HECTD2: variants seen among roughly 807,000 people sequenced by gnomAD.
HECTD2 encodes the protein probable E3 ubiquitin-protein ligase HECTD2.
In HECTD2, 35 loss-of-function variants were observed where a neutral mutation model predicts 103.2. The observed-to-expected ratio is 0.34, with a 90% confidence interval of 0.26 to 0.45. The LOEUF (loss-of-function observed/expected upper bound fraction) is 0.45, where lower values mean the gene tolerates loss of function less well. HECTD2 is among the 20% of genes least tolerant of loss of function. The probability of loss-of-function intolerance (pLI) is 1.00; values close to 1 mark genes in which losing one functional copy is unlikely to be tolerated. For missense variants in HECTD2, 596 were observed against 937.4 expected (o/e 0.64, Z 4.76); for synonymous variants, 281 against 329.9 (o/e 0.85, Z 1.61).
intron 2 of HECTD2, among the ~76,000 whole-genome samples, 174 bp from the exon 3 acceptor site, chr10:91,460,253 G>A (rs1845286703): frequency 6.6e-6 from 1 of 151,988 alleles, no homozygotes; most frequent in African/African-American, 2.4e-5. Flanking sequence ...GTGAAGTGGG[G>A]GAATAAGCCC....
chr10:91,501,309 T>C lies in HECTD2; in HGVS notation c.2185T>C (p.Ser729Pro). ...GGMADLNFKI[S>P]KNETSTNCLP... The stretch of plus-strand genomic sequence containing the variant: ...GATGGCTGATTTGAACTTTAAAATC[T>C]CAAAGAATGAAACTTCTACTAACTG... Residue 729 changes from serine to proline, a missense_variant, in exon 20 of 21, where the codon TCA (serine) becomes CCA (proline). Physicochemically the swap from Ser to Pro is moderately conservative, Grantham distance 74. Coordinates refer to ENST00000298068, the MANE Select transcript of HECTD2 (RefSeq NM_182765.6). 1 of 1,597,592 alleles carries C rather than the reference T, an allele frequency of 6.3e-7. No homozygotes were observed. Among genetic ancestry groups the C allele is most frequent in the Non-Finnish European group, 8.5e-7 (1 of 1,172,760 alleles).
At chr10:91,458,400 G>A (rs777633461) in intron 2 of HECTD2, among the ~76,000 whole-genome samples, 1 of 151,878 alleles carries the variant, frequency 6.6e-6, no homozygotes, top group African/African-American at 2.4e-5. Context: ...CAAAATTCCT[G>A]TATGTTTTTT....
chr10:91,500,517 G>C lies in HECTD2; in HGVS notation c.1966G>C (p.Glu656Gln). The C allele has an allele frequency of 6.3e-7, 1 of 1,584,618 alleles. No homozygotes were observed. The highest frequency in any genetic ancestry group is 8.7e-7 in the Non-Finnish European group (1 of 1,153,162). ...TTATTGGCAGCTGCTTCGTCCAGAA[G>C]AGGTTGAAATTTTGGTCTGTGGAAG... ...SNALMLLRPE[E>Q]VEILVCGSPD... Residue 656 changes from glutamate to glutamine, a missense_variant, in exon 19 of 21, where the codon GAG (glutamate) becomes CAG (glutamine). By Grantham distance (29) the Glu-to-Gln change is conservative (BLOSUM62 2). Around this residue, in one of 4 missense-constraint regions of HECTD2, gnomAD observed 69 missense variants for 153.8 expected, o/e 0.45. Coordinates refer to ENST00000298068, the MANE Select transcript of HECTD2 (RefSeq NM_182765.6).
upstream of HECTD2, among the ~76,000 whole-genome samples, chr10:91,410,009 G>A (rs1842845330): frequency 6.6e-6 from 1 of 152,206 alleles, no homozygotes; most frequent in Non-Finnish European, 1.5e-5. Flanking sequence ...CCGACTGCCC[G>A]TCCTTAGTCC....
chr10:91,437,379 G>A (rs367983381), intron 2 of HECTD2, among the ~76,000 whole-genome samples: 5 of 151,908 alleles, frequency 3.3e-5, no homozygotes, highest in African/African-American at 1.2e-4. Context: ...GCATGGTGAC[G>A]GAATTCCAAA....
intron 5 of HECTD2, among the ~76,000 whole-genome samples, chr10:91,477,303 A>T (rs1029675196): frequency 2.6e-5 from 4 of 152,234 alleles, no homozygotes; most frequent in African/African-American, 9.6e-5. Flanking sequence ...AGAAGGTTTG[A>T]AATATAGTTG....
chr10:91,510,476 A>C (rs1245793668), intron 20 of HECTD2, among the ~76,000 whole-genome samples: 2 of 152,192 alleles, frequency 1.3e-5, no homozygotes, highest in African/African-American at 4.8e-5. Context: ...ACATTTTCAT[A>C]AGATATTCTT....
At chr10:91,413,861 C>T (rs1279265586) in intron 1 of HECTD2, among the ~76,000 whole-genome samples, 1 of 152,144 alleles carries the variant, frequency 6.6e-6, no homozygotes, top group Admixed American at 6.5e-5. Context: ...GTGTTTGGGT[C>T]TTGGCCTTGC....
intron 1 of HECTD2, among the ~76,000 whole-genome samples, chr10:91,415,328 G>A (rs557042074): frequency 3.3e-5 from 5 of 151,740 alleles, no homozygotes; most frequent in African/African-American, 1.2e-4. Flanking sequence ...AGGTGAGATG[G>A]GAAAGAATGA....
At chr10:91,425,568 G>A (rs1164743181) in intron 2 of HECTD2, among the ~76,000 whole-genome samples, 158 bp downstream of exon 2, 1 of 151,632 alleles carries the variant, frequency 6.6e-6, no homozygotes, top group African/African-American at 2.4e-5. Context: ...TTTATTTTTA[G>A]GTGAATGTTA....
rs377076615 is a variant in HECTD2 at position 91,482,940 on chromosome 10, C to T, written c.712-27C>T. Reference sequence around the variant, plus strand: ...CTTTTACGTGTTAACAGAATTTTAACACAATTATCTTTAATATCTTTTTCA... The same window carrying T: ...CTTTTACGTGTTAACAGAATTTTAATACAATTATCTTTAATATCTTTTTCA... On this transcript the variant is annotated intron_variant, in intron 7 of 20. Coordinates refer to ENST00000298068, the MANE Select transcript of HECTD2 (RefSeq NM_182765.6). The T allele has an allele frequency of 3.7e-6, 4 of 1,067,850 alleles. No homozygotes were observed. The African/African-American group carries it at 4.9e-5, about 13-fold the overall frequency. The allele number at this position is 1,067,850 out of a possible 1,614,324, so 66.1% of individuals were successfully genotyped here. A position where few individuals can be genotyped will look rare whatever the true frequency, so the allele number is the denominator to read the frequency against.
rs1239521754 is a variant in HECTD2, at chr10:91,514,280, T to TAAG, written c.*1900_*1902dup. The TAAG allele has an allele frequency of 6.6e-6, 1 of 152,616 alleles. No homozygotes were observed. Among genetic ancestry groups the TAAG allele is most frequent in the Admixed American group, 6.5e-5 (1 of 15,272 alleles). The allele number at this position is 152,616 out of a possible 1,614,324, so 9.5% of individuals were successfully genotyped here. A position where few individuals can be genotyped will look rare whatever the true frequency, so the allele number is the denominator to read the frequency against. On this transcript the variant is annotated 3_prime_UTR_variant, in exon 21 of 21. Coordinates refer to ENST00000298068, the MANE Select transcript of HECTD2 (RefSeq NM_182765.6). ...ATCGATTAGCTGTGTCACTTTTAAATAAGAAGTCCACACAAGCAAGCCAAA... is the reference window on the plus strand; with the variant it reads ...ATCGATTAGCTGTGTCACTTTTAAATAAGAAGAAGTCCACACAAGCAAGCCAAA...
At chr10:91,432,394 A>G (rs952753389) in intron 2 of HECTD2, among the ~76,000 whole-genome samples, 6 of 151,934 alleles carry the variant, frequency 3.9e-5, no homozygotes, top group Non-Finnish European at 7.4e-5. Flanking sequence ...TGTGGATCAC[A>G]TGACTAGGTA....
In HECTD2 at chr10:91,498,947, C is replaced by A; in HGVS notation, c.1831C>A (p.Gln611Lys). Residue 611 changes from glutamine (Q) to lysine (K), a missense_variant, in exon 17 of 21, where the codon CAA (glutamine) becomes AAA (lysine). Gln to Lys is a moderately conservative substitution (Grantham distance 53). Coordinates refer to ENST00000298068, the MANE Select transcript of HECTD2 (RefSeq NM_182765.6). ...TGGTGATAAAATTTCAGTTACCAAT[C>A]AAAATAGAAAAGGTAAGTTAATACC... is the stretch of plus-strand genomic sequence containing the variant. ...PGGDKISVTN[Q>K]NRKEYVQLYT... 6.3e-7 allele frequency: 1 copy of A among 1,593,542 alleles called. No homozygotes were observed. Among genetic ancestry groups the A allele is most frequent in the Non-Finnish European group, 8.6e-7 (1 of 1,163,274 alleles).
At chr10:91,485,491 C>A (rs1048501455) in intron 10 of HECTD2, 188 bp downstream of exon 10, 3 of 469,244 alleles carry the variant, frequency 6.4e-6, no homozygotes, top group Admixed American at 9.1e-5. Context: ...AATTTATGTA[C>A]ATGTTAATTT....
Position 91,482,984 on chromosome 10 carries a change from C to A in HECTD2, c.729C>A (p.Asn243Lys). The A allele has an allele frequency of 6.6e-7, 1 of 1,519,850 alleles. No homozygotes were observed. The highest frequency in any genetic ancestry group is 9.0e-7 in the Non-Finnish European group (1 of 1,105,166). 94.1% of individuals were successfully genotyped at this position (1,519,850 alleles called of 1,614,324 possible). The part of the protein sequence containing the change: ...FILLQNPQFN[N>K]TSTYVIYAHL... ...TTTTTCAGAATCCTCAGTTTAATAA[C>A]ACATCTACGTATGTCATCTATGCTC... Residue 243 changes from asparagine (N) to lysine (K), a missense_variant, in exon 8 of 21, where the codon AAC becomes AAA. Physicochemically the swap from Asn to Lys is moderately conservative, Grantham distance 94. Around this residue, in one of 4 missense-constraint regions of HECTD2, gnomAD observed 303 missense variants for 522.5 expected, o/e 0.58. Transcript: ENST00000298068.
At chr10:91,452,686 C>G (rs532256434) in intron 2 of HECTD2, among the ~76,000 whole-genome samples, 10 of 151,906 alleles carry the variant, frequency 6.6e-5, no homozygotes, top group Non-Finnish European at 1.2e-4. Context: ...TTGCAGAGTC[C>G]CTGTTAGCAA....
intron 2 of HECTD2, among the ~76,000 whole-genome samples, chr10:91,438,270 C>T (rs960513540): frequency 6.6e-6 from 1 of 152,092 alleles, no homozygotes; most frequent in African/African-American, 2.4e-5. Context: ...GTGTGATGTT[C>T]CCCTTTCTGT....
chr10:91,470,413 C>T (rs542203652), intron 5 of HECTD2, among the ~76,000 whole-genome samples: 1 of 152,112 alleles, frequency 6.6e-6, no homozygotes, highest in Non-Finnish European at 1.5e-5. Context: ...CAAAAGCATA[C>T]AATTATAAGG....
Sources: gnomAD v4.1 joint callset for allele counts (sites outside exome capture counted in the v4.1 genomes callset) on GRCh38, gnomAD v4.1.1 for gene constraint, gnomAD v4.1.1 regional missense constraint, MANE v1.5 for transcripts, NCBI Gene and HGNC (gene_info 2026-07-23, HGNC 2026-07-21) for gene names.